Variants in RBFOX3 observed in about 807,000 individuals in gnomAD.
RBFOX3 encodes the protein RNA binding fox-1 homolog 3, also known as RNA binding protein fox-1 homolog 3.
RBFOX3 carries 17 observed loss-of-function variants against 48.7 expected under a neutral mutation model. The ratio of observed to expected loss-of-function variants is 0.35; its 90% CI spans 0.24 to 0.52. The LOEUF (loss-of-function observed/expected upper bound fraction) is 0.52, where lower values mean the gene tolerates loss of function less well. Among genes scored for constraint, RBFOX3 ranks in the 20% least tolerant of loss-of-function variants. The pLI is 0.94. For synonymous variants in RBFOX3, 212 were observed against 209.5 expected (o/e 1.01, Z -0.10); for missense variants, 382 against 497.5 (o/e 0.77, Z 2.21).
intron 1 of RBFOX3, among the ~76,000 whole-genome samples, chr17:79,495,008 G>C (rs748011869): frequency 6.6e-6 from 1 of 152,152 alleles, no homozygotes; most frequent in African/African-American, 2.4e-5. Context: ...GTCTGTCCAC[G>C]CAGTGGCCAT....
chr17:79,231,185 G>C (rs1175134397), intron 4 of RBFOX3, among the ~76,000 whole-genome samples: 2 of 152,178 alleles, frequency 1.3e-5, no homozygotes, highest in East Asian at 1.9e-4. Context: ...GAGCAATGGG[G>C]AGAAGACAGC....
chr17:79,318,604 C>T (rs1466553252), intron 2 of RBFOX3, among the ~76,000 whole-genome samples: 1 of 152,004 alleles, frequency 6.6e-6, no homozygotes, highest in African/African-American at 2.4e-5. Context: ...CCTGTAATCC[C>T]AGCACATTGG....
intron 3 of RBFOX3, among the ~76,000 whole-genome samples, chr17:79,251,499 C>G (rs1414861853): frequency 3.9e-5 from 6 of 152,218 alleles, no homozygotes; most frequent in Non-Finnish European, 7.3e-5. Flanking sequence ...ACCCTTCCCC[C>G]TCCCTTGTCT....
chr17:79,115,971 G>A (rs1277632558), intron 4 of RBFOX3, among the ~76,000 whole-genome samples: 1 of 152,174 alleles, frequency 6.6e-6, no homozygotes, highest in East Asian at 1.9e-4. Context: ...AGACACCCCT[G>A]GAGTTCAGCC....
chr17:79,140,356 G>T (rs2041672411), intron 4 of RBFOX3, among the ~76,000 whole-genome samples: 1 of 152,370 alleles, frequency 6.6e-6, no homozygotes, highest in Non-Finnish European at 1.5e-5. Flanking sequence ...CCCTGGCCCT[G>T]GAGGGTGAAC....
At chr17:79,315,949 G>C (rs954127510) in intron 2 of RBFOX3, among the ~76,000 whole-genome samples, 1 of 152,162 alleles carries the variant, frequency 6.6e-6, no homozygotes, top group Non-Finnish European at 1.5e-5. Context: ...TCCGCAAGGG[G>C]TGGGTCCGCC....
At chr17:79,610,392 C>T (rs2093944645) in intron 1 of RBFOX3, among the ~76,000 whole-genome samples, 1 of 151,882 alleles carries the variant, frequency 6.6e-6, no homozygotes, top group East Asian at 2.0e-4. Context: ...CTCCGCGCGC[C>T]TCTGCCTCCC....
the RBFOX3 span, among the ~76,000 whole-genome samples, chr17:79,619,567 A>G: frequency 1.3e-5 from 2 of 152,142 alleles, no homozygotes; most frequent in Non-Finnish European, 2.9e-5. Flanking sequence ...GTATGACTTC[A>G]TCTTATCTAA....
intron 2 of RBFOX3, among the ~76,000 whole-genome samples, chr17:79,380,423 A>G (rs1181149862): frequency 2.6e-5 from 4 of 152,250 alleles, no homozygotes; most frequent in East Asian, 1.9e-4. Context: ...TGCATTCACA[A>G]TGAAGGGCCC....
intron 5 of RBFOX3, among the ~76,000 whole-genome samples, chr17:79,112,708 G>A (rs1053560974): frequency 4.6e-5 from 7 of 152,048 alleles, no homozygotes; most frequent in African/African-American, 1.7e-4. Context: ...GTGGGGGCTG[G>A]ACAGGCACTC....
At chr17:79,454,104 G>C (rs2074051565) in intron 2 of RBFOX3, among the ~76,000 whole-genome samples, 1 of 152,050 alleles carries the variant, frequency 6.6e-6, no homozygotes, top group Admixed American at 6.5e-5. Context: ...ATGCCGTCTG[G>C]AGCCCTGCCC....
rs1042924976 is a variant in RBFOX3 at position 79,510,867 on chromosome 17, C to T, written c.-319-28269G>A. On this transcript the variant is annotated intron_variant, in intron 1 of 14. Transcript: ENST00000693108. ...CCTGGGGCTTCCACCAGGGGCCTCGCTCTACCTTCCCCTGGGCCAAAGTGT... is the reference window on the plus strand; with the variant it reads ...CCTGGGGCTTCCACCAGGGGCCTCGTTCTACCTTCCCCTGGGCCAAAGTGT... Among the ~76,000 whole-genome samples, 389 of 152,198 alleles carry T rather than the reference C, an allele frequency of 2.6e-3. 3 individuals carry two copies. The highest frequency in any genetic ancestry group is 8.7e-3 in the African/African-American group (363 of 41,522).
In RBFOX3 at chr17:79,416,671, C is replaced by T. The variant is rs556558097; in HGVS notation, c.-175+65783G>A. Reference sequence around the variant, plus strand: ...AGTGGAGGCCGGCCCTCCCCCGCACCCACCCCTCCAGGTTGGGATGGGGCT... The same window carrying T: ...AGTGGAGGCCGGCCCTCCCCCGCACTCACCCCTCCAGGTTGGGATGGGGCT... On this transcript the variant is annotated intron_variant, in intron 2 of 14. Transcript: ENST00000693108. 2.0e-5 allele frequency among the ~76,000 whole-genome samples: 3 copies of T among 152,336 alleles called. No individual in the cohort carries two copies. The East Asian group carries it at 5.8e-4, about 29-fold the overall frequency.
At chr17:79,572,499 G>T (rs1243226339) in intron 1 of RBFOX3, among the ~76,000 whole-genome samples, 1 of 151,870 alleles carries the variant, frequency 6.6e-6, no homozygotes, top group Non-Finnish European at 1.5e-5. Flanking sequence ...TCCCACCCCA[G>T]CTCTGCCCAC....
At chr17:79,373,833 G>A (rs1006588188) in intron 2 of RBFOX3, among the ~76,000 whole-genome samples, 2 of 151,982 alleles carry the variant, frequency 1.3e-5, no homozygotes, top group African/African-American at 2.4e-5. Context: ...ATCTCCCTAC[G>A]GTTTTGTGAT....
At chr17:79,282,004 A>G (rs1485326372) in intron 3 of RBFOX3, among the ~76,000 whole-genome samples, 1 of 152,198 alleles carries the variant, frequency 6.6e-6, no homozygotes, top group Non-Finnish European at 1.5e-5. Flanking sequence ...TATATCTGGA[A>G]AGAAAACACT....
chr17:79,530,988 G>A (rs2087673476), intron 1 of RBFOX3, among the ~76,000 whole-genome samples: 2 of 152,250 alleles, frequency 1.3e-5, no homozygotes, highest in African/African-American at 4.8e-5. Flanking sequence ...ACGTGGTGGA[G>A]TCATATTGTG....
intron 2 of RBFOX3, among the ~76,000 whole-genome samples, chr17:79,406,320 A>G (rs973578133): frequency 6.6e-6 from 1 of 152,170 alleles, no homozygotes; most frequent in Non-Finnish European, 1.5e-5. Flanking sequence ...TTCAGCCCCA[A>G]AATTCTCACC....
At chr17:79,614,047 C>A (rs2093984586), upstream of RBFOX3, among the ~76,000 whole-genome samples, 2 of 152,232 alleles carry the variant, frequency 1.3e-5, no homozygotes, top group Non-Finnish European at 2.9e-5. Flanking sequence ...AGAACAGTAG[C>A]CGGCTGTGGG....
Sources: allele counts gnomAD v4.1 joint callset (sites outside exome capture counted in the v4.1 genomes callset), GRCh38; gene constraint gnomAD v4.1.1; transcripts MANE v1.5; gene names NCBI Gene and HGNC (gene_info 2026-07-23, HGNC 2026-07-21).